The following GTPBP1 variants were observed in gnomAD, a reference collection of about 807,000 sequenced individuals.
GTPBP1 encodes GTP-binding protein 1.
A neutral mutation model predicts 62.0 loss-of-function variants in GTPBP1; 23 were observed. The ratio of observed to expected loss-of-function variants is 0.37; its 90% confidence interval spans 0.27 to 0.53. The LOEUF is 0.53. GTPBP1 is among the 20% of genes least tolerant of loss of function. The probability of loss-of-function intolerance (pLI) is 0.89; values close to 1 mark genes in which losing one functional copy is unlikely to be tolerated. For missense variants in GTPBP1, 640 were observed against 917.3 expected, an observed-to-expected ratio of 0.70 and a Z score of 3.90; for synonymous variants, 344 against 364.4, an observed-to-expected ratio of 0.94 and a Z score of 0.64.
downstream of GTPBP1, chr22:38,742,160 A>C (rs115234860): frequency 1.9e-3 from 2,137 of 1,096,704 alleles, 33 homozygotes; most frequent in African/African-American, 0.031. Context: ...AAAAAAAAAA[A>C]GAAAAAAAGA....
chr22:38,721,945 G>A (rs755106302), intron 5 of GTPBP1, 80 bp downstream of exon 5: 72 of 1,004,990 alleles, frequency 7.2e-5, no homozygotes, highest in Middle Eastern at 4.8e-4. Flanking sequence ...CTGCTACCAC[G>A]GCTTTAGCCC....
At position 38,730,513 on chromosome 22, in the gene GTPBP1, C is replaced by T. The variant is rs1449549157; in HGVS notation, c.1918-99C>T. The T allele has an allele frequency of 1.2e-5, 10 of 830,816 alleles. No individual in the cohort carries two copies. The highest frequency in any genetic ancestry group is 1.1e-4 in the South Asian group (8 of 71,228). The allele number at this position is 830,816 out of a possible 1,614,324, so 51.5% of individuals were successfully genotyped here. On this transcript the variant is annotated intron_variant, in intron 11 of 11. Transcript: ENST00000216044. This position sits in a 1 kb window ranked among gnomAD's most constrained non-coding sequence, Gnocchi z 5.6. Reference sequence around the variant, plus strand: ...GGGTGAGGACCACGCAGCCTGCTCACGCATCTTCCGTCCCTGTCTCCCCGC... The same window carrying T: ...GGGTGAGGACCACGCAGCCTGCTCATGCATCTTCCGTCCCTGTCTCCCCGC...
At position 38,730,605 on chromosome 22, in the gene GTPBP1, CT is replaced by C; in HGVS notation, c.1918-4del. ...AGTGCTTCTCAAGCTCCTTCTCTCT[CT>C]TTCAGCCTAAGCCCAGCAGTGGAGG... On this transcript the variant is annotated splice_region_variant and splice_polypyrimidine_tract_variant and intron_variant, in intron 11 of 11. Coordinates refer to ENST00000216044, the MANE Select transcript of GTPBP1 (RefSeq NM_004286.5). This position sits in a 1 kb window ranked among gnomAD's most constrained non-coding sequence, Gnocchi z 5.6. 6.3e-7 allele frequency: 1 copy of C among 1,591,830 alleles called. No individual in the cohort carries two copies. The highest frequency in any genetic ancestry group is 8.6e-7 in the Non-Finnish European group (1 of 1,166,660).
At chr22:38,738,532 G>A (rs996078289), downstream of GTPBP1, 39 of 1,582,464 alleles carry the variant, frequency 2.5e-5, 1 homozygote, top group Middle Eastern at 6.7e-4. The surrounding 1 kb of genome is among the most constrained non-coding windows in gnomAD (Gnocchi z 6.6). Flanking sequence ...TCAGTAGAGA[G>A]GCCCACAGGA....
At chr22:38,738,936 G>A (rs369397415), downstream of GTPBP1, 121 of 1,613,690 alleles carry the variant, frequency 7.5e-5, no homozygotes, top group South Asian at 1.3e-3. The surrounding 1 kb of genome is among the most constrained non-coding windows in gnomAD (Gnocchi z 6.6). Flanking sequence ...GGCTGAGGAG[G>A]GCCGTCTTGG....
intron 2 of GTPBP1, among the ~76,000 whole-genome samples, chr22:38,712,628 C>T (rs16999281): frequency 0.066 from 9,994 of 152,198 alleles, 709 homozygotes; most frequent in African/African-American, 0.17. Context: ...AGCTTTTCTC[C>T]TCCACCTTTG....
In GTPBP1 at chr22:38,716,898, C is replaced by T. The variant is rs1227572095; in HGVS notation, c.732C>T (p.Ser244=). 6.2e-7 allele frequency: 1 copy of T among 1,613,916 alleles called. No homozygotes were observed. Among genetic ancestry groups the T allele is most frequent in the East Asian group, 2.2e-5 (1 of 44,896 alleles). ...SLEWTKICEK[S]TKVITFIDLA... Reference sequence around the variant, plus strand: ...AGTGGACCAAGATCTGTGAGAAGTCCACGAAAGTCATTACCTTCATCGACT... The same window carrying T: ...AGTGGACCAAGATCTGTGAGAAGTCTACGAAAGTCATTACCTTCATCGACT... Residue 244 remains serine, a synonymous_variant, in exon 4 of 12, where the codon TCC becomes TCT. Coordinates refer to ENST00000216044, the MANE Select transcript of GTPBP1 (RefSeq NM_004286.5). This position sits in a 1 kb window ranked among gnomAD's most constrained non-coding sequence, Gnocchi z 5.2.
chr22:38,729,674 C>A lies in GTPBP1; in HGVS notation c.1917+12C>A. On this transcript the variant is annotated intron_variant, in intron 11 of 11. Coordinates refer to ENST00000216044, the MANE Select transcript of GTPBP1 (RefSeq NM_004286.5). Reference sequence around the variant, plus strand: ...ATCTCCAGCCTCAGGTGAGCACGGGCCCCTCGCAGCTTCGGCATGGTGGTG... The same window carrying A: ...ATCTCCAGCCTCAGGTGAGCACGGGACCCTCGCAGCTTCGGCATGGTGGTG... 6.8e-7 allele frequency: 1 copy of A among 1,460,790 alleles called. No individual in the cohort carries two copies. Among genetic ancestry groups the A allele is most frequent in the South Asian group, 1.5e-5 (1 of 67,862 alleles). 90.5% of individuals were successfully genotyped at this position (1,460,790 alleles called of 1,614,324 possible).
In GTPBP1 at chr22:38,729,593, C is replaced by T; in HGVS notation, c.1848C>T (p.Pro616=). ...GPSGGPAVGA[P]PPGDEASSVG... is the part of the protein sequence containing the mutation. ...CTGGTGGGCCAGCAGTAGGAGCACC[C>T]CCACCTGGAGATGAAGCCTCCTCTG... The change falls in exon 11 of 12, where the codon CCC becomes CCT. Residue 616 remains proline (P), a synonymous_variant. Coordinates refer to ENST00000216044, the MANE Select transcript of GTPBP1 (RefSeq NM_004286.5). 1.9e-6 allele frequency: 3 copies of T among 1,570,830 alleles called. No homozygotes were observed. The highest frequency in any genetic ancestry group is 1.4e-5 in the African/African-American group (1 of 72,598).
rs1000106995 is a variant in GTPBP1 at position 38,718,071 on chromosome 22, C to T, written c.834+1071C>T. Among the ~76,000 whole-genome samples the T allele has an allele frequency of 3.3e-5, 5 of 152,184 alleles. No homozygotes were observed. In the South Asian group the frequency reaches 6.2e-4, roughly 19 times the overall value. ...GGAGAGCAGTAAAGAGAGGCAGAGC[C>T]GTGTGAACACTCGTAGGCTCTCTGC... is the stretch of plus-strand genomic sequence containing the variant. On this transcript the variant is annotated intron_variant, in intron 4 of 11. Coordinates refer to ENST00000216044, the MANE Select transcript of GTPBP1 (RefSeq NM_004286.5).
chr22:38,737,992 T>C (rs1220917163), downstream of GTPBP1: 1 of 717,342 alleles, frequency 1.4e-6, no homozygotes, highest in African/African-American at 1.7e-5. The surrounding 1 kb of genome is among the most constrained non-coding windows in gnomAD (Gnocchi z 4.1). Context: ...TGCCTTCCCC[T>C]GTGCTGACGT....
At chr22:38,742,616 G>A (rs2092869248), downstream of GTPBP1, 2 of 1,543,450 alleles carry the variant, frequency 1.3e-6, no homozygotes, top group East Asian at 4.6e-5. Context: ...GCTTCCCAAA[G>A]ACCACCCCGA....
At chr22:38,741,446 T>C, downstream of GTPBP1, 1 of 1,574,728 alleles carries the variant, frequency 6.4e-7, no homozygotes, top group Non-Finnish European at 8.7e-7. Context: ...ACATGTTGGA[T>C]GGGGTCAGGA....
intron 1 of GTPBP1, among the ~76,000 whole-genome samples, chr22:38,708,092 C>T (rs191538965): frequency 2.6e-5 from 4 of 152,328 alleles, no homozygotes; most frequent in East Asian, 3.9e-4. Flanking sequence ...TTGCTCTTTA[C>T]AGTGGCCTTA....
At chr22:38,742,577 C>T (rs1210159158), downstream of GTPBP1, 1 of 1,595,146 alleles carries the variant, frequency 6.3e-7, no homozygotes, top group East Asian at 2.2e-5. Context: ...GAGAGAGAGC[C>T]ACGGAGTGAG....
downstream of GTPBP1, chr22:38,735,160 C>G (rs539153256): frequency 2.3e-5 from 10 of 438,572 alleles, no homozygotes; most frequent in Admixed American, 2.4e-4. Context: ...CCCTCCTCCC[C>G]CTTCCCTATC....
At position 38,727,064 on chromosome 22, in the gene GTPBP1, A is replaced by G; in HGVS notation, c.1402-149A>G. The G allele has an allele frequency of 1.5e-6, 1 of 681,150 alleles. No homozygotes were observed. The highest frequency in any genetic ancestry group is 2.4e-6 in the Non-Finnish European group (1 of 417,984). 42.2% of individuals were successfully genotyped at this position (681,150 alleles called of 1,614,324 possible). ...AGCACTGAGGGTGCTCGTGCTGTCC[A>G]CCCTAGAAGGCCTGTGGTCCAGTTG... On this transcript the variant is annotated intron_variant, in intron 8 of 11. Transcript: ENST00000216044. The surrounding 1 kb of genome is among the most constrained non-coding windows in gnomAD (Gnocchi z 6.5).
chr22:38,735,694 C>T (rs369134679), downstream of GTPBP1: 13 of 164,262 alleles, frequency 7.9e-5, no homozygotes, highest in South Asian at 1.5e-3. Flanking sequence ...ACACTTTTGT[C>T]GAAGGCCCTC....
In GTPBP1 at chr22:38,723,573, A is replaced by G. The variant is rs538790365; in HGVS notation, c.959-724A>G. 6.8e-6 allele frequency: 4 copies of G among 584,558 alleles called. No individual in the cohort carries two copies. In the Admixed American group the frequency reaches 1.2e-4, roughly 18 times the overall value. The allele number at this position is 584,558 out of a possible 1,614,324, so 36.2% of individuals were successfully genotyped here. A position where few individuals can be genotyped will look rare whatever the true frequency, so the allele number is the denominator to read the frequency against. On this transcript the variant is annotated intron_variant, in intron 5 of 11. Transcript: ENST00000216044. ...TCTTGGCCTGAATTTCCATCAGCCC[A>G]GAATCTTCTGCTACTTCCTCCCCTA...
Sources: allele counts gnomAD v4.1 joint callset (sites outside exome capture counted in the v4.1 genomes callset), GRCh38; gene constraint gnomAD v4.1.1; non-coding constraint Gnocchi (gnomAD v3.1); transcripts MANE v1.5; gene names NCBI Gene and HGNC (gene_info 2026-07-23, HGNC 2026-07-21).